The following TYW1 variants were observed in gnomAD, a reference collection of about 807,000 sequenced individuals.
The protein encoded by TYW1 is S-adenosyl-L-methionine-dependent tRNA 4-demethylwyosine synthase TYW1.
Under a neutral mutation model 96.2 loss-of-function variants are expected in TYW1, and 46 were observed. That is an observed-to-expected ratio of 0.48 (90% CI 0.38 to 0.61). TYW1 has a LOEUF of 0.61. Among genes scored for constraint, TYW1 ranks in the 20% least tolerant of loss-of-function variants. TYW1 has a pLI of 0.00. For missense variants in TYW1, 684 were observed against 909.6 expected, an observed-to-expected ratio of 0.75 and a Z score of 3.19; for synonymous variants, 274 against 323.0, an observed-to-expected ratio of 0.85 and a Z score of 1.63.
Position 67,180,940 on chromosome 7 carries a change from G to A in TYW1, c.1699-2186G>A, listed in dbSNP as rs118023424. ...ATTACAGGCGTGAGCCACTGCGTCC[G>A]GCCCCTCCATTTTTTTAGCCAGTAA... On this transcript the variant is annotated intron_variant, in intron 13 of 15. Transcript: ENST00000359626. Among the ~76,000 whole-genome samples the A allele has an allele frequency of 1.2e-3, 189 of 152,038 alleles. 3 individuals are homozygous for A. The East Asian group carries it at 0.031, about 25-fold the overall frequency.
chr7:67,171,474 T>C (rs1799510985), intron 13 of TYW1, among the ~76,000 whole-genome samples: 1 of 152,134 alleles, frequency 6.6e-6, no homozygotes, highest in Non-Finnish European at 1.5e-5. Context: ...AAGTTAATCA[T>C]GTCGTTCATG....
Position 67,004,288 on chromosome 7 carries a change from G to A in TYW1, c.274-5295G>A, listed in dbSNP as rs189623573. On this transcript the variant is annotated intron_variant, in intron 3 of 15. Transcript: ENST00000359626. ...AATTTGATCCCTCGTGTTGGTGATG[G>A]GCCTAATGGGAGGTGTTTGGGTCCT... Among the ~76,000 whole-genome samples the A allele has an allele frequency of 3.8e-3, 585 of 152,190 alleles. 3 individuals are homozygous for A. The highest frequency in any genetic ancestry group is 0.013 in the African/African-American group (547 of 41,532).
At chr7:67,099,938 G>A (rs983280832) in intron 12 of TYW1, among the ~76,000 whole-genome samples, 8 of 152,040 alleles carry the variant, frequency 5.3e-5, no homozygotes, top group African/African-American at 1.9e-4. Context: ...GGAGGCGGAG[G>A]TTTCAGTGAG....
intron 9 of TYW1, among the ~76,000 whole-genome samples, chr7:67,057,747 G>C (rs1473653107): frequency 6.6e-6 from 1 of 152,186 alleles, no homozygotes; most frequent in Non-Finnish European, 1.5e-5. Context: ...AAACTTGGTT[G>C]TTTGACTCTA....
chr7:67,171,764 C>G (rs1200783740), intron 13 of TYW1, among the ~76,000 whole-genome samples: 3 of 152,208 alleles, frequency 2.0e-5, no homozygotes, highest in Non-Finnish European at 2.9e-5. Flanking sequence ...CTGTCTAATA[C>G]TAGTAAAGCA....
chr7:67,138,314 A>G (rs934102537), intron 13 of TYW1, among the ~76,000 whole-genome samples: 9 of 151,872 alleles, frequency 5.9e-5, no homozygotes, highest in Non-Finnish European at 1.2e-4. Context: ...AGGGTTCTAA[A>G]AAGAGTTTTG....
rs1190214483 is a variant in TYW1, at chr7:67,084,387, A to G, written c.1384+848A>G. Among the ~76,000 whole-genome samples, 4 of 152,206 alleles carry G rather than the reference A, an allele frequency of 2.6e-5. No individual in the cohort carries two copies. The East Asian group carries it at 7.7e-4, about 29-fold the overall frequency. ...TTCTGTCTCATATTAACAAATATTG[A>G]CTTCACTGGAGGTTACTGGTTCTCA... is the stretch of plus-strand genomic sequence containing the variant. On this transcript the variant is annotated intron_variant, in intron 11 of 15. Transcript: ENST00000359626.
chr7:67,005,485 A>G (rs1353942776), intron 3 of TYW1, among the ~76,000 whole-genome samples: 2 of 152,210 alleles, frequency 1.3e-5, no homozygotes, highest in Non-Finnish European at 2.9e-5. Context: ...AGTCCTAGCT[A>G]CTTGGGCGGC....
intron 13 of TYW1, among the ~76,000 whole-genome samples, chr7:67,144,343 C>G (rs1044179216): frequency 1.3e-5 from 2 of 152,162 alleles, no homozygotes; most frequent in African/African-American, 4.8e-5. Flanking sequence ...ATTTTCTCTA[C>G]CCTTTGACTT....
chr7:67,014,247 C>T, intron 4 of TYW1, 120 bp from the exon 5 acceptor site: 1 of 1,355,342 alleles, frequency 7.4e-7, no homozygotes. Flanking sequence ...TGAAGATGAA[C>T]CATGTTTATG....
At chr7:67,151,799 C>CT (rs67274439) in intron 13 of TYW1, among the ~76,000 whole-genome samples, 15 of 119,218 alleles carry the variant, frequency 1.3e-4, no homozygotes, top group East Asian at 4.1e-4. Flanking sequence ...GCTGCTGCTG[C>CT]TTTTTTTGTT....
rs543874236 is a variant in TYW1 at position 67,007,570 on chromosome 7, C to T, written c.274-2013C>T. ...ACGTGTTAATGATATTTGGAGGGGA[C>T]GAATATCCAAACCGTATCAGTCCTT... On this transcript the variant is annotated intron_variant, in intron 3 of 15. Transcript: ENST00000359626. 3.9e-5 allele frequency among the ~76,000 whole-genome samples: 6 copies of T among 152,208 alleles called. No homozygotes were observed. The East Asian group carries it at 7.7e-4, about 20-fold the overall frequency.
intron 11 of TYW1, among the ~76,000 whole-genome samples, chr7:67,084,868 T>C (rs1177755990): frequency 1.3e-5 from 2 of 152,208 alleles, no homozygotes; most frequent in African/African-American, 2.4e-5. Flanking sequence ...GGGACCATGC[T>C]TTGAGAACCA....
At chr7:67,129,835 T>C (rs56166786) in intron 13 of TYW1, among the ~76,000 whole-genome samples, 42,094 of 152,102 alleles carry the variant, frequency 0.28, 6,675 homozygotes, top group African/African-American at 0.44. Context: ...CTTATGTATA[T>C]TTTCTGGTTC....
At chr7:67,087,314 C>T (rs575713803) in intron 11 of TYW1, among the ~76,000 whole-genome samples, 156 of 152,126 alleles carry the variant, frequency 1.0e-3, no homozygotes, top group African/African-American at 2.7e-3. Context: ...TTAGGCTTAA[C>T]GTTAATCAGC....
chr7:67,225,838 C>G (rs1419024510), intron 15 of TYW1, among the ~76,000 whole-genome samples: 3 of 149,290 alleles, frequency 2.0e-5, no homozygotes, highest in African/African-American at 7.5e-5. Context: ...ATAGTTTTGT[C>G]TGTGAAAATG....
At chr7:67,205,205 A>G (rs1268322880) in intron 15 of TYW1, among the ~76,000 whole-genome samples, 1 of 152,276 alleles carries the variant, frequency 6.6e-6, no homozygotes, top group East Asian at 1.9e-4. Flanking sequence ...AGGGAGAGGT[A>G]AAAGTCCATT....
chr7:67,160,289 A>G (rs1224280933), intron 13 of TYW1, among the ~76,000 whole-genome samples: 1 of 152,004 alleles, frequency 6.6e-6, no homozygotes, highest in Admixed American at 6.6e-5. Flanking sequence ...ATTGTTTCCA[A>G]TTTGTGTCTA....
At chr7:67,135,607 GT>G (rs68006255) in intron 13 of TYW1, among the ~76,000 whole-genome samples, 6,236 of 145,964 alleles carry the variant, frequency 0.043, 368 homozygotes, top group African/African-American at 0.14. Flanking sequence ...CCAGCCAACA[GT>G]TTTTTTTTTT....
Sources: allele counts gnomAD v4.1 joint callset (sites outside exome capture counted in the v4.1 genomes callset), GRCh38; gene constraint gnomAD v4.1.1; transcripts MANE v1.5; gene names NCBI Gene and HGNC (gene_info 2026-07-23, HGNC 2026-07-21).